Variants in ZCWPW2 observed in about 807,000 individuals in gnomAD.
ZCWPW2 encodes zinc finger CW-type PWWP domain protein 2.
In ZCWPW2, 45 loss-of-function variants were observed where a neutral mutation model predicts 46.6. The ratio of observed to expected loss-of-function variants is 0.96; its 90% CI spans 0.76 to 1.24. ZCWPW2 has a LOEUF of 1.24. ZCWPW2 is among the 50% of genes most tolerant of loss of function. The probability of loss-of-function intolerance (pLI) is 0.00; values close to 1 mark genes in which losing one functional copy is unlikely to be tolerated. For synonymous variants in ZCWPW2, 152 were observed against 137.1 expected (o/e 1.11, Z -0.76); for missense variants, 429 against 403.9 (o/e 1.06, Z -0.53).
intron 3 of ZCWPW2, 100 bp from the exon 4 acceptor site, chr3:28,435,010 A>G: frequency 7.6e-7 from 1 of 1,314,890 alleles, no homozygotes; most frequent in South Asian, 1.4e-5. Flanking sequence ...GTGAAAAGGC[A>G]TTAAAATTCA....
intron 2 of ZCWPW2, among the ~76,000 whole-genome samples, chr3:28,405,487 T>C (rs1222143043): frequency 6.6e-6 from 1 of 152,144 alleles, no homozygotes; most frequent in Non-Finnish European, 1.5e-5. Context: ...GTTTGTTTGT[T>C]TTTTTGAGAC....
chr3:28,483,622 A>G (rs867305889), intron 5 of ZCWPW2, among the ~76,000 whole-genome samples: 12 of 152,308 alleles, frequency 7.9e-5, no homozygotes, highest in South Asian at 2.1e-4. Context: ...ATGAATGTGG[A>G]ATATCTTCAA....
intron 4 of ZCWPW2, among the ~76,000 whole-genome samples, chr3:28,438,537 A>G (rs1212331646): frequency 6.6e-6 from 1 of 152,210 alleles, no homozygotes. Context: ...AAAAACAATA[A>G]CAAAAACAGC....
rs530426683 is a variant in ZCWPW2 at position 28,403,021 on chromosome 3, C to T, written c.-13-10035C>T. 3.3e-5 allele frequency among the ~76,000 whole-genome samples: 5 copies of T among 152,264 alleles called. No homozygotes were observed. In the South Asian group the frequency reaches 1.0e-3, roughly 32 times the overall value. The stretch of plus-strand genomic sequence containing the variant: ...GATGCCCACTCTCACCACTTCTCTT[C>T]CACATAGTACTGGAAGTCCTAGTCA... On this transcript the variant is annotated intron_variant, in intron 2 of 9. Transcript: ENST00000383768.
intron 1 of ZCWPW2, among the ~76,000 whole-genome samples, chr3:28,377,715 G>C (rs1371877639): frequency 6.6e-6 from 1 of 152,006 alleles, no homozygotes; most frequent in Admixed American, 6.6e-5. Context: ...TAATGCGACT[G>C]TATTTGAAGA....
At chr3:28,421,475 G>T (rs895492702) in intron 3 of ZCWPW2, among the ~76,000 whole-genome samples, 1 of 152,044 alleles carries the variant, frequency 6.6e-6, no homozygotes, top group Non-Finnish European at 1.5e-5. Flanking sequence ...GTTTTTCTGG[G>T]ATAAAGCAGT....
chr3:28,352,548 CTT>C (rs1370021017), intron 1 of ZCWPW2, among the ~76,000 whole-genome samples: 5 of 152,122 alleles, frequency 3.3e-5, no homozygotes, highest in South Asian at 2.1e-4. Context: ...GTAGTTAACT[CTT>C]TGGCAAAATT....
chr3:28,524,621 C>A lies in ZCWPW2; in HGVS notation c.1004C>A (p.Ala335Asp). Residue 335 changes from alanine to aspartate, a missense_variant, in exon 10 of 10, where the codon GCT becomes GAT. By Grantham distance (126) the Ala-to-Asp change is moderately radical (BLOSUM62 -2). Transcript: ENST00000383768. Reference sequence around the variant, plus strand: ...GTAATTGATGGGATAAAATTAAAAGCTGGAGAATGTATTGAGGATATAACT... The same window carrying A: ...GTAATTGATGGGATAAAATTAAAAGATGGAGAATGTATTGAGGATATAACT... Reference protein sequence around the residue: ...YLVIDGIKLKAGECIEDITNK... With the variant: ...YLVIDGIKLKDGECIEDITNK... The A allele has an allele frequency of 1.9e-6, 3 of 1,607,056 alleles. No individual in the cohort carries two copies. The highest frequency in any genetic ancestry group is 2.6e-6 in the Non-Finnish European group (3 of 1,176,170).
chr3:28,442,110 C>T (rs1173209554), intron 4 of ZCWPW2, among the ~76,000 whole-genome samples: 4 of 152,196 alleles, frequency 2.6e-5, no homozygotes, highest in Non-Finnish European at 5.9e-5. Flanking sequence ...TTCTGGACCA[C>T]ACTCAAAACT....
chr3:28,500,421 C>T (rs2125823965), intron 6 of ZCWPW2, among the ~76,000 whole-genome samples: 1 of 151,992 alleles, frequency 6.6e-6, no homozygotes, highest in East Asian at 1.9e-4. Flanking sequence ...ATATTATTAC[C>T]AACTGGAAAA....
In ZCWPW2 at chr3:28,380,934, G is replaced by GTATATATA. The variant is rs578178124; in HGVS notation, c.-133-9534_-133-9527dup. ...ACTTTACCAAATATATATATATTTG[G>GTATATATA]TATATATATATATATATATATATAT... is the stretch of plus-strand genomic sequence containing the variant. On this transcript the variant is annotated intron_variant, in intron 1 of 9. Transcript: ENST00000383768. 3.7e-4 allele frequency among the ~76,000 whole-genome samples: 5 copies of GTATATATA among 13,436 alleles called. 1 individual carries two copies. Among genetic ancestry groups the GTATATATA allele is most frequent in the Non-Finnish European group, 3.7e-4 (3 of 8,074 alleles). The allele number at this position is 13,436 out of a possible 152,430, so 8.8% of individuals were successfully genotyped here. A position where few individuals can be genotyped will look rare whatever the true frequency, so the allele number is the denominator to read the frequency against.
chr3:28,439,983 G>T (rs894011312), intron 4 of ZCWPW2, among the ~76,000 whole-genome samples: 12 of 151,940 alleles, frequency 7.9e-5, no homozygotes, highest in Admixed American at 3.3e-4. Flanking sequence ...GCAGGTCATG[G>T]TTTTTTTTCC....
chr3:28,477,879 A>C (rs1699291114), intron 4 of ZCWPW2, among the ~76,000 whole-genome samples: 1 of 152,180 alleles, frequency 6.6e-6, no homozygotes. Context: ...ACATTATAAA[A>C]ATCCTTTTTG....
intron 1 of ZCWPW2, among the ~76,000 whole-genome samples, chr3:28,383,712 C>T (rs1695177038): frequency 6.6e-6 from 1 of 152,002 alleles, no homozygotes; most frequent in Non-Finnish European, 1.5e-5. Flanking sequence ...TGGACCTCTT[C>T]AATTCTAAAA....
intron 1 of ZCWPW2, among the ~76,000 whole-genome samples, chr3:28,359,019 A>T (rs541926396): frequency 6.6e-6 from 1 of 152,232 alleles, no homozygotes; most frequent in South Asian, 2.1e-4. Flanking sequence ...GAAATACTTA[A>T]CTGTACATTG....
intron 3 of ZCWPW2, among the ~76,000 whole-genome samples, chr3:28,414,180 G>C (rs1559495495): frequency 6.6e-6 from 1 of 151,024 alleles, no homozygotes; most frequent in Non-Finnish European, 1.5e-5. Flanking sequence ...ACCTTTTCTT[G>C]AACTGTTTTT....
intron 1 of ZCWPW2, among the ~76,000 whole-genome samples, chr3:28,356,722 GA>G (rs1234857730): frequency 1.3e-5 from 2 of 152,260 alleles, no homozygotes; most frequent in African/African-American, 4.8e-5. Flanking sequence ...GATGAAGCTG[GA>G]AACCATCATT....
chr3:28,447,062 T>TCAC lies in ZCWPW2; in HGVS notation c.492+11794_492+11796dup, dbSNP rs528050862. Among the ~76,000 whole-genome samples the TCAC allele has an allele frequency of 4.6e-3, 706 of 152,250 alleles. 1 individual carries two copies. The highest frequency in any genetic ancestry group is 7.5e-3 in the Non-Finnish European group (509 of 67,996). ...ATAAAGAATCTTAGACATGATGGCT[T>TCAC]CACTTTGAAGTCTACCAAACACTTA... On this transcript the variant is annotated intron_variant, in intron 4 of 9. Transcript: ENST00000383768.
At position 28,381,050 on chromosome 3, in the gene ZCWPW2, GTATATATATA is replaced by G. The variant is rs60041322; in HGVS notation, c.-133-9427_-133-9418del. Among the ~76,000 whole-genome samples the G allele has an allele frequency of 4.1e-4, 5 of 12,138 alleles. 1 individual carries two copies. The highest frequency in any genetic ancestry group is 1.1e-3 in the Admixed American group (1 of 946). The allele number at this position is 12,138 out of a possible 152,430, so 8.0% of individuals were successfully genotyped here. A position where few individuals can be genotyped will look rare whatever the true frequency, so the allele number is the denominator to read the frequency against. The stretch of plus-strand genomic sequence containing the variant: ...GTATATATATATATATATATTTGGT[GTATATATATA>G]TATATATATATATATATATACAGAA... On this transcript the variant is annotated intron_variant, in intron 1 of 9. Transcript: ENST00000383768.
Sources: allele counts gnomAD v4.1 joint callset (sites outside exome capture counted in the v4.1 genomes callset), GRCh38; gene constraint gnomAD v4.1.1; transcripts MANE v1.5; gene names NCBI Gene and HGNC (gene_info 2026-07-23, HGNC 2026-07-21).